NUBPL: variants seen among roughly 807,000 people sequenced by gnomAD.
The protein encoded by NUBPL is NUBP iron-sulfur cluster assembly factor, mitochondrial, also known as iron-sulfur cluster transfer protein NUBPL.
In NUBPL, 31 loss-of-function variants were observed where a neutral mutation model predicts 45.7. The observed-to-expected ratio is 0.68, with a 90% CI of 0.51 to 0.92. The LOEUF (loss-of-function observed/expected upper bound fraction) is 0.92. Ranked by LOEUF, NUBPL falls within the 40% of genes least tolerant of loss-of-function variation. NUBPL has a pLI of 0.00. For synonymous variants in NUBPL, 144 were observed against 140.9 expected (o/e 1.02, Z -0.15); for missense variants, 401 against 398.7 (o/e 1.01, Z -0.05).
chr14:31,593,686 G>T (rs909184021), intron 3 of NUBPL, among the ~76,000 whole-genome samples: 1 of 152,026 alleles, frequency 6.6e-6, no homozygotes, highest in African/African-American at 2.4e-5. Flanking sequence ...GTGTAGTGTT[G>T]TGGTAAGGGA....
At chr14:31,564,868 G>C in intron 2 of NUBPL, 146 bp from the exon 3 acceptor site, 1 of 535,464 alleles carries the variant, frequency 1.9e-6, no homozygotes, top group Non-Finnish European at 3.4e-6. Flanking sequence ...AGGGATATAT[G>C]TTCAAAATTT....
chr14:31,782,862 A>G (rs909544550), intron 6 of NUBPL, among the ~76,000 whole-genome samples: 9 of 152,228 alleles, frequency 5.9e-5, no homozygotes, highest in African/African-American at 2.2e-4. Flanking sequence ...TTTTATAAAT[A>G]AGAACCATTT....
At chr14:31,770,828 G>C (rs1408562307) in intron 6 of NUBPL, among the ~76,000 whole-genome samples, 1 of 152,178 alleles carries the variant, frequency 6.6e-6, no homozygotes, top group Non-Finnish European at 1.5e-5. Flanking sequence ...GTTCACTGCT[G>C]TAATTTTCTC....
chr14:31,769,607 A>T (rs1480294931), intron 6 of NUBPL, among the ~76,000 whole-genome samples: 1 of 152,090 alleles, frequency 6.6e-6, no homozygotes, highest in Non-Finnish European at 1.5e-5. Flanking sequence ...TGTTAAACAT[A>T]CCAAGTAGTT....
chr14:31,658,517 C>T (rs1297620202), intron 4 of NUBPL, among the ~76,000 whole-genome samples: 1 of 144,256 alleles, frequency 6.9e-6, no homozygotes, highest in Non-Finnish European at 1.5e-5. Flanking sequence ...TCTTTAATAG[C>T]TTTTTTTTTT....
chr14:31,809,063 T>A (rs558927843), intron 7 of NUBPL, among the ~76,000 whole-genome samples: 1 of 139,890 alleles, frequency 7.1e-6, no homozygotes, highest in Admixed American at 7.5e-5. Flanking sequence ...ATCAGGGATA[T>A]TGGTCTAAAA....
intron 10 of NUBPL, 119 bp from the exon 11 acceptor site, chr14:31,858,999 C>G: frequency 3.8e-6 from 3 of 794,812 alleles, no homozygotes; most frequent in Non-Finnish European, 6.5e-6. Context: ...TACTGAATTT[C>G]CTCATCTCAC....
intron 7 of NUBPL, among the ~76,000 whole-genome samples, chr14:31,798,628 T>TA (rs1033939524): frequency 2.7e-5 from 4 of 150,856 alleles, no homozygotes; most frequent in Middle Eastern, 3.4e-3. Flanking sequence ...CTGTCTCTAC[T>TA]AAAAAAACAA....
chr14:31,793,082 GTTC>G (rs2039411776), intron 7 of NUBPL, among the ~76,000 whole-genome samples: 1 of 152,066 alleles, frequency 6.6e-6, no homozygotes, highest in Admixed American at 6.6e-5. Context: ...GATACTCTGT[GTTC>G]TTCTCCCTTT....
At chr14:31,678,647 A>G (rs1263074578) in intron 6 of NUBPL, among the ~76,000 whole-genome samples, 1 of 152,202 alleles carries the variant, frequency 6.6e-6, no homozygotes, top group Non-Finnish European at 1.5e-5. Context: ...ACTGTGGCTA[A>G]GCTGGTATCC....
chr14:31,685,697 A>G (rs2036937056), intron 6 of NUBPL, among the ~76,000 whole-genome samples: 2 of 152,196 alleles, frequency 1.3e-5, no homozygotes, highest in Non-Finnish European at 2.9e-5. Context: ...TGTGTTTGGA[A>G]TAGAAAAAAA....
intron 3 of NUBPL, among the ~76,000 whole-genome samples, chr14:31,575,421 C>T (rs933980824): frequency 6.6e-6 from 1 of 152,136 alleles, no homozygotes; most frequent in East Asian, 1.9e-4. Context: ...TTTGCCTGTA[C>T]CTACCTAATA....
At chr14:31,678,859 C>T (rs905042182) in intron 6 of NUBPL, among the ~76,000 whole-genome samples, 1 of 152,130 alleles carries the variant, frequency 6.6e-6, no homozygotes, top group South Asian at 2.1e-4. Context: ...CTCTAGGACT[C>T]GCCTAGGAGC....
At chr14:31,728,708 T>G (rs183934132) in intron 6 of NUBPL, among the ~76,000 whole-genome samples, 2 of 152,358 alleles carry the variant, frequency 1.3e-5, no homozygotes, top group African/African-American at 4.8e-5. Flanking sequence ...TTATAGCTGA[T>G]ACTTTTACAA....
chr14:31,766,363 C>T (rs1371217721), intron 6 of NUBPL, among the ~76,000 whole-genome samples: 1 of 152,178 alleles, frequency 6.6e-6, no homozygotes, highest in Non-Finnish European at 1.5e-5. Context: ...GAAAAGCAGC[C>T]TCCGGTTGGA....
intron 8 of NUBPL, among the ~76,000 whole-genome samples, chr14:31,841,668 T>C (rs2040370844): frequency 6.6e-6 from 1 of 152,172 alleles, no homozygotes; most frequent in South Asian, 2.1e-4. Flanking sequence ...TTGTGTCTAG[T>C]GTAACTTTGT....
chr14:31,661,779 A>T (rs1160276969), intron 4 of NUBPL, among the ~76,000 whole-genome samples: 1 of 152,164 alleles, frequency 6.6e-6, no homozygotes, highest in South Asian at 2.1e-4. Flanking sequence ...TGACCTCGTG[A>T]TCCACCTGCC....
At chr14:31,837,434 T>C (rs2040299985) in intron 8 of NUBPL, among the ~76,000 whole-genome samples, 1 of 152,216 alleles carries the variant, frequency 6.6e-6, no homozygotes, top group Non-Finnish European at 1.5e-5. Context: ...AAATAGCTTC[T>C]ACAGTCAGGC....
chr14:31,752,235 C>T (rs2038547878), intron 6 of NUBPL, among the ~76,000 whole-genome samples: 1 of 152,228 alleles, frequency 6.6e-6, no homozygotes, highest in Admixed American at 6.5e-5. Flanking sequence ...TTTTCTGTCA[C>T]ATCATCAAAC....
Sources: allele counts gnomAD v4.1 joint callset (sites outside exome capture counted in the v4.1 genomes callset), GRCh38; gene constraint gnomAD v4.1.1; transcripts MANE v1.5; gene names NCBI Gene and HGNC (gene_info 2026-07-23, HGNC 2026-07-21).